Variants in LUZP2 observed in about 807,000 individuals in gnomAD.
LUZP2 encodes leucine zipper protein 2.
LUZP2 carries 52 observed loss-of-function variants against 51.6 expected under a neutral mutation model. The ratio of observed to expected loss-of-function variants is 1.01; its 90% CI spans 0.81 to 1.27. The LOEUF is 1.27. Among genes scored for constraint, LUZP2 ranks in the 50% most tolerant of loss-of-function variants. The pLI is 0.00. For missense variants in LUZP2, 436 were observed against 395.4 expected (o/e 1.10, Z -0.87); for synonymous variants, 154 against 137.3 (o/e 1.12, Z -0.85).
intron 4 of LUZP2, among the ~76,000 whole-genome samples, chr11:24,742,998 G>C (rs1565111972): frequency 6.6e-6 from 1 of 151,978 alleles, no homozygotes; most frequent in Non-Finnish European, 1.5e-5. Flanking sequence ...AGATCAGTTG[G>C]CTGTTAAGTA....
At chr11:24,889,172 T>A (rs958159983) in intron 5 of LUZP2, among the ~76,000 whole-genome samples, 3 of 152,156 alleles carry the variant, frequency 2.0e-5, no homozygotes, top group African/African-American at 7.2e-5. Context: ...GCCTAAAATA[T>A]AAATTTGGTT....
At chr11:24,914,838 A>G (rs1853745835) in intron 7 of LUZP2, among the ~76,000 whole-genome samples, 1 of 152,172 alleles carries the variant, frequency 6.6e-6, no homozygotes, top group South Asian at 2.1e-4. Context: ...AGACTTACGC[A>G]AAGGTAGATC....
intron 5 of LUZP2, among the ~76,000 whole-genome samples, chr11:24,846,974 C>T (rs76399097): frequency 0.014 from 2,060 of 151,448 alleles, 52 homozygotes; most frequent in East Asian, 0.13. Context: ...TATATATACA[C>T]TCATATATAG....
chr11:24,670,515 TA>T (rs2134000618), intron 1 of LUZP2, among the ~76,000 whole-genome samples: 1 of 152,166 alleles, frequency 6.6e-6, no homozygotes, highest in African/African-American at 2.4e-5. Context: ...GCAATTCTTT[TA>T]GTTGCATTTA....
At chr11:24,597,270 T>C (rs1853474076) in intron 1 of LUZP2, among the ~76,000 whole-genome samples, 1 of 152,250 alleles carries the variant, frequency 6.6e-6, no homozygotes, top group African/African-American at 2.4e-5. Flanking sequence ...TCCAGTAAAC[T>C]GTTCATATGT....
intron 5 of LUZP2, among the ~76,000 whole-genome samples, chr11:24,779,206 C>T (rs1361799895): frequency 1.3e-5 from 2 of 152,062 alleles, no homozygotes; most frequent in Non-Finnish European, 2.9e-5. Context: ...TTATTTTCTG[C>T]GTTATTTCTA....
chr11:24,946,542 A>G (rs556262691), intron 7 of LUZP2, among the ~76,000 whole-genome samples: 1 of 152,044 alleles, frequency 6.6e-6, no homozygotes, highest in East Asian at 1.9e-4. Flanking sequence ...TACTTCTTAA[A>G]TTATTAGATT....
At position 24,978,668 on chromosome 11, in the gene LUZP2, A is replaced by G. The variant is rs117148609; in HGVS notation, c.597+2003A>G. ...AGGTCTTGGGTCCCATATCTCTCAC[A>G]ATTTTGTTTAGCACTAACAATTAGG... On this transcript the variant is annotated intron_variant, in intron 8 of 11. Transcript: ENST00000336930. 1.7e-3 allele frequency among the ~76,000 whole-genome samples: 251 copies of G among 151,840 alleles called. 5 individuals carry two copies. The East Asian group carries it at 0.046, about 28-fold the overall frequency.
intron 1 of LUZP2, among the ~76,000 whole-genome samples, chr11:24,593,739 T>C (rs1853334901): frequency 4.6e-5 from 7 of 152,174 alleles, no homozygotes; most frequent in Admixed American, 4.6e-4. Context: ...CTCCAAGGCT[T>C]TTTATTACCT....
At chr11:24,910,438 G>A (rs1853590413) in intron 6 of LUZP2, among the ~76,000 whole-genome samples, 1 of 152,240 alleles carries the variant, frequency 6.6e-6, no homozygotes, top group South Asian at 2.1e-4. Flanking sequence ...GGTGTCATGG[G>A]CTGGGTCCAG....
rs377018903 is a variant in LUZP2, at chr11:24,713,539, A to G, written c.63-15630A>G. On this transcript the variant is annotated intron_variant, in intron 1 of 11. Transcript: ENST00000336930. ...AAAGATCAGAAATATGGCAAAAAAT[A>G]GAAAATAAAAGTTAATACAGGCCAG... Among the ~76,000 whole-genome samples the G allele has an allele frequency of 2.6e-5, 4 of 152,150 alleles. No individual in the cohort carries two copies. In the East Asian group the frequency reaches 5.8e-4, roughly 22 times the overall value.
intron 1 of LUZP2, among the ~76,000 whole-genome samples, chr11:24,690,315 C>G (rs1168041501): frequency 6.6e-6 from 1 of 151,952 alleles, no homozygotes; most frequent in Non-Finnish European, 1.5e-5. Flanking sequence ...CTCTGCATAC[C>G]AGGGTTTATT....
At chr11:24,819,651 T>C (rs1295401361) in intron 5 of LUZP2, among the ~76,000 whole-genome samples, 2 of 152,146 alleles carry the variant, frequency 1.3e-5, no homozygotes, top group Non-Finnish European at 2.9e-5. Context: ...ACATTTATGG[T>C]ACATAGTGTG....
At chr11:24,908,734 CT>C (rs1180698744) in intron 6 of LUZP2, among the ~76,000 whole-genome samples, 1 of 149,428 alleles carries the variant, frequency 6.7e-6, no homozygotes, top group South Asian at 2.1e-4. Flanking sequence ...CAGGAAGTTG[CT>C]TTTTTTGTTG....
chr11:24,645,398 T>C (rs1855433186), intron 1 of LUZP2, among the ~76,000 whole-genome samples: 1 of 152,186 alleles, frequency 6.6e-6, no homozygotes, highest in Non-Finnish European at 1.5e-5. Context: ...TTGAATTATA[T>C]GGTATTGAAC....
chr11:24,563,660 C>T (rs1306303531), intron 1 of LUZP2, among the ~76,000 whole-genome samples: 1 of 151,926 alleles, frequency 6.6e-6, no homozygotes. Flanking sequence ...TATTTTATCT[C>T]AACCTCAATT....
At chr11:25,008,708 A>G (rs907283424) in intron 9 of LUZP2, among the ~76,000 whole-genome samples, 7 of 152,142 alleles carry the variant, frequency 4.6e-5, no homozygotes, top group Admixed American at 3.9e-4. Flanking sequence ...AAGGCAGTGT[A>G]GAAGAAGTTT....
At chr11:24,905,570 G>T (rs183820623) in intron 5 of LUZP2, among the ~76,000 whole-genome samples, 24 of 151,972 alleles carry the variant, frequency 1.6e-4, no homozygotes, top group African/African-American at 5.6e-4. Flanking sequence ...GTTAAACTGC[G>T]CTCTAGACCA....
intron 5 of LUZP2, among the ~76,000 whole-genome samples, chr11:24,840,761 T>A (rs1851004686): frequency 6.6e-6 from 1 of 151,968 alleles, no homozygotes; most frequent in Non-Finnish European, 1.5e-5. Context: ...AGAAAGCATG[T>A]CTCCATATTT....
Sources: gnomAD v4.1 joint callset for allele counts (sites outside exome capture counted in the v4.1 genomes callset) on GRCh38, gnomAD v4.1.1 for gene constraint, MANE v1.5 for transcripts, NCBI Gene and HGNC (gene_info 2026-07-23, HGNC 2026-07-21) for gene names.